Variants in STIM1 observed in about 807,000 individuals in gnomAD.
STIM1 encodes stromal interaction molecule 1.
In STIM1, 25 loss-of-function variants were observed where a neutral mutation model predicts 74.7. The ratio of observed to expected loss-of-function variants is 0.33; its 90% CI spans 0.24 to 0.47. STIM1 has a LOEUF of 0.47. STIM1 is among the 20% of genes least tolerant of loss of function. The pLI is 1.00. For missense variants in STIM1, 728 were observed against 920.8 expected (o/e 0.79, Z 2.71); for synonymous variants, 328 against 348.8 (o/e 0.94, Z 0.66).
intron 2 of STIM1, among the ~76,000 whole-genome samples, chr11:3,992,048 T>A (rs998228478): frequency 4.1e-5 from 6 of 145,680 alleles, no homozygotes; most frequent in African/African-American, 1.5e-4. Context: ...TGTGTATAAG[T>A]GTTTTCTTTT....
intron 5 of STIM1, among the ~76,000 whole-genome samples, chr11:4,061,362 T>G (rs1463664392): frequency 6.6e-6 from 1 of 152,192 alleles, no homozygotes; most frequent in African/African-American, 2.4e-5. Flanking sequence ...GCATGTGATC[T>G]AACTTAAGGA....
intron 2 of STIM1, among the ~76,000 whole-genome samples, chr11:3,983,892 A>G (rs1449241992): frequency 7.0e-6 from 1 of 143,676 alleles, no homozygotes; most frequent in Non-Finnish European, 1.5e-5. Flanking sequence ...TTTTAGATGG[A>G]GTTTCCTCTT....
chr11:3,900,520 C>T (rs1189893654), intron 1 of STIM1, among the ~76,000 whole-genome samples: 1 of 152,234 alleles, frequency 6.6e-6, no homozygotes, highest in African/African-American at 2.4e-5. Context: ...TCACCATCTT[C>T]TGCAGCGCTC....
rs1368808851 is a variant in STIM1, at chr11:3,895,694, CT to C, written c.139+39288del. Reference sequence around the variant, plus strand: ...TCTTTCCTTCCTTCCTTCTTTCTTTCTTTCTTTCTTTCTTTCTTTCTTTCTT... The same window carrying C: ...TCTTTCCTTCCTTCCTTCTTTCTTTCTTCTTTCTTTCTTTCTTTCTTTCTT... On this transcript the variant is annotated intron_variant, in intron 1 of 12. Coordinates refer to ENST00000526596, the MANE Select transcript of STIM1 (RefSeq NM_001382567.1). Among the ~76,000 whole-genome samples the C allele has an allele frequency of 9.0e-3, 302 of 33,720 alleles. 17 individuals carry two copies. Among genetic ancestry groups the C allele is most frequent in the Middle Eastern group, 0.02 (2 of 98 alleles). 22.1% of individuals were successfully genotyped at this position (33,720 alleles called of 152,430 possible).
chr11:4,003,758 A>C (rs1162787146), intron 2 of STIM1, among the ~76,000 whole-genome samples: 1 of 152,228 alleles, frequency 6.6e-6, no homozygotes, highest in Non-Finnish European at 1.5e-5. Flanking sequence ...CAGAAGAAAG[A>C]AATAAAGGGT....
chr11:3,858,765 T>C (rs994118287), intron 1 of STIM1, among the ~76,000 whole-genome samples: 19 of 152,218 alleles, frequency 1.2e-4, no homozygotes, highest in Admixed American at 7.2e-4. Flanking sequence ...TCAATTTGTG[T>C]GTTCTCTGCA....
intron 1 of STIM1, among the ~76,000 whole-genome samples, chr11:3,942,382 A>G (rs961413998): frequency 3.9e-5 from 6 of 152,174 alleles, no homozygotes; most frequent in Non-Finnish European, 8.8e-5. Context: ...GCTTCCTTGT[A>G]AACTTGTAAG....
At chr11:3,912,241 C>G (rs2092575997) in intron 1 of STIM1, among the ~76,000 whole-genome samples, 1 of 123,002 alleles carries the variant, frequency 8.1e-6, no homozygotes, top group African/African-American at 3.0e-5. Context: ...CCTCCCTTAT[C>G]CCCTCCCTTC....
chr11:4,070,101 C>T lies in STIM1; in HGVS notation c.689C>T (p.Ala230Val). 1 of 1,614,174 alleles carries T rather than the reference C, an allele frequency of 6.2e-7. No homozygotes were observed. Among genetic ancestry groups the T allele is most frequent in the Non-Finnish European group, 8.5e-7 (1 of 1,180,040 alleles). ...ATTGGTGTGGGCGGCTGCTGGTTTG[C>T]CTATATCCAGAACCGTTACTCCAAG... is the stretch of plus-strand genomic sequence containing the variant. ...IVIGVGGCWF[A>V]YIQNRYSKEH... The change falls in exon 6 of 13, where the codon GCC (alanine) becomes GTC (valine). Residue 230 changes from alanine to valine, a missense_variant. Around this residue, in one of 5 missense-constraint regions of STIM1, gnomAD observed 132 missense variants for 158.2 expected, o/e 0.83. Coordinates refer to ENST00000526596, the MANE Select transcript of STIM1 (RefSeq NM_001382567.1).
chr11:3,896,699 G>A (rs2092189450), intron 1 of STIM1, among the ~76,000 whole-genome samples: 1 of 152,204 alleles, frequency 6.6e-6, no homozygotes, highest in South Asian at 2.1e-4. Context: ...TGGTGGTGGG[G>A]GAAATTGTCA....
At chr11:4,033,511 CT>C (rs1287480638) in intron 3 of STIM1, among the ~76,000 whole-genome samples, 1 of 149,452 alleles carries the variant, frequency 6.7e-6, no homozygotes, top group Admixed American at 6.6e-5. Context: ...CTTTTTTTTT[CT>C]TTTTCTTGCC....
intron 1 of STIM1, among the ~76,000 whole-genome samples, chr11:3,941,613 G>GTA (rs1554959556): frequency 7.7e-6 from 1 of 129,426 alleles, no homozygotes; most frequent in African/African-American, 3.1e-5. Context: ...GTGTGTGTGT[G>GTA]TATACATATA....
chr11:3,922,005 C>T (rs1218384205), intron 1 of STIM1: 1 of 152,162 alleles, frequency 6.6e-6, no homozygotes, highest in African/African-American at 2.4e-5. Flanking sequence ...AGAGCCATAG[C>T]CACTCAGTTA....
At chr11:4,007,529 C>T (rs1286269431) in intron 2 of STIM1, among the ~76,000 whole-genome samples, 1 of 152,118 alleles carries the variant, frequency 6.6e-6, no homozygotes, top group Admixed American at 6.5e-5. Context: ...TAACTGGGAA[C>T]TTCCGTTGAG....
chr11:3,935,797 T>C (rs973407833), intron 1 of STIM1, among the ~76,000 whole-genome samples: 55 of 152,248 alleles, frequency 3.6e-4, no homozygotes, highest in Non-Finnish European at 7.1e-4. Context: ...GAGGATGCCT[T>C]TGAGTCTTCA....
chr11:3,895,886 T>TTTTCTTTCTTTTC (rs1565105712), intron 1 of STIM1, among the ~76,000 whole-genome samples: 5 of 140,762 alleles, frequency 3.6e-5, no homozygotes, highest in Non-Finnish European at 6.0e-5. Context: ...CTTTTCTTTC[T>TTTTCTTTCTTTTC]TTTCTTTCTT....
At chr11:3,963,362 T>G (rs2093308086) in intron 1 of STIM1, among the ~76,000 whole-genome samples, 1 of 152,210 alleles carries the variant, frequency 6.6e-6, no homozygotes, top group South Asian at 2.1e-4. Flanking sequence ...TCCTGTGTTC[T>G]TTTGCTAAGG....
intron 7 of STIM1, among the ~76,000 whole-genome samples, chr11:4,075,274 A>G (rs1010019153): frequency 9.9e-5 from 15 of 152,238 alleles, no homozygotes; most frequent in Non-Finnish European, 4.4e-5. Flanking sequence ...TAAAGTGTAC[A>G]AGTCATAAGT....
At chr11:3,971,455 G>T (rs2093394290) in intron 2 of STIM1, among the ~76,000 whole-genome samples, 5 of 152,166 alleles carry the variant, frequency 3.3e-5, no homozygotes, top group African/African-American at 1.2e-4. Flanking sequence ...CGTGAGCCTG[G>T]GAGGCGGAGC....
Sources: allele counts gnomAD v4.1 joint callset (sites outside exome capture counted in the v4.1 genomes callset), GRCh38; gene constraint gnomAD v4.1.1; regional missense constraint gnomAD v4.1.1; transcripts MANE v1.5; gene names NCBI Gene and HGNC (gene_info 2026-07-23, HGNC 2026-07-21).